Variants in HACD4 observed in about 807,000 individuals in gnomAD.
The protein encoded by HACD4 is very-long-chain (3R)-3-hydroxyacyl-CoA dehydratase 4.
A neutral mutation model predicts 33.3 loss-of-function variants in HACD4; 35 were observed. That is an observed-to-expected ratio of 1.05 (90% CI 0.80 to 1.39). HACD4 has a LOEUF of 1.39. Ranked by LOEUF, HACD4 falls within the 40% of genes most tolerant of loss-of-function variation. The pLI, the probability that HACD4 is intolerant of heterozygous loss-of-function variation, is 0.00. For missense variants in HACD4, 323 were observed against 276.5 expected, an observed-to-expected ratio of 1.17 and a Z score of -1.19; for synonymous variants, 118 against 98.0, an observed-to-expected ratio of 1.20 and a Z score of -1.21.
chr9:21,007,721 T>C (rs1191190401), intron 6 of HACD4, among the ~76,000 whole-genome samples: 2 of 152,142 alleles, frequency 1.3e-5, no homozygotes, highest in Non-Finnish European at 2.9e-5. Context: ...GACATCTAGG[T>C]TTTATTTGTA....
At chr9:21,028,252 T>G (rs571985789) in intron 2 of HACD4, among the ~76,000 whole-genome samples, 2 of 152,224 alleles carry the variant, frequency 1.3e-5, no homozygotes, top group South Asian at 4.1e-4. Flanking sequence ...AGCCAGTCCA[T>G]GGCTTGTGTT....
rs1460933036 is a variant in HACD4, at chr9:21,029,265, A to G, written c.142+30T>C. The G allele has an allele frequency of 3.9e-6, 5 of 1,287,198 alleles. No individual in the cohort carries two copies. In the East Asian group the frequency reaches 9.3e-5, roughly 24 times the overall value. 79.7% of individuals were successfully genotyped at this position (1,287,198 alleles called of 1,614,324 possible). ...GAGGTGAAAACAAGGATTAAAAGTTAAAAATAAAAAAACTGTTTCGGAGTT... is the reference window on the plus strand; with the variant it reads ...GAGGTGAAAACAAGGATTAAAAGTTGAAAATAAAAAAACTGTTTCGGAGTT... On this transcript the variant is annotated intron_variant, in intron 2 of 6. Coordinates refer to ENST00000495827, the MANE Select transcript of HACD4 (RefSeq NM_001010915.5).
Position 21,001,929 on chromosome 9 carries a change from A to C in HACD4, c.*5108T>G, listed in dbSNP as rs1842172309. ...TAAACAGCAACTCAAAGCCACATGAAGAAATAAGGATCTCAGTAAAGAAAA... is the reference window on the plus strand; with the variant it reads ...TAAACAGCAACTCAAAGCCACATGACGAAATAAGGATCTCAGTAAAGAAAA... On this transcript the variant is annotated 3_prime_UTR_variant, in exon 7 of 7. Coordinates refer to ENST00000495827, the MANE Select transcript of HACD4 (RefSeq NM_001010915.5). The C allele has an allele frequency of 6.6e-6, 1 of 152,164 alleles. No individual in the cohort carries two copies. Among genetic ancestry groups the C allele is most frequent in the African/African-American group, 2.4e-5 (1 of 41,454 alleles). 9.4% of individuals were successfully genotyped at this position (152,164 alleles called of 1,614,324 possible).
At chr9:21,022,679 C>T (rs1453886014) in intron 3 of HACD4, among the ~76,000 whole-genome samples, 3 of 149,836 alleles carry the variant, frequency 2.0e-5, no homozygotes, top group Admixed American at 1.3e-4. Flanking sequence ...TACCATCTCA[C>T]ACCAGTTAGA....
chr9:21,029,071 T>C (rs1818137333), intron 2 of HACD4, among the ~76,000 whole-genome samples: 1 of 152,224 alleles, frequency 6.6e-6, no homozygotes, highest in South Asian at 2.1e-4. Context: ...CCATCTCTTT[T>C]TTGAGGCAAA....
Position 21,011,632 on chromosome 9 carries a change from TTGAC to T in HACD4, c.443_446del (p.Ser148LysfsTer48), listed in dbSNP as rs777206425. ...AAGGATAAATTGGCATCCATAGTGT[TTGAC>T]TGAGCCATGTCAAGACAGCATAGGA... On this transcript the variant is annotated frameshift_variant, in exon 5 of 7. Transcript: ENST00000495827. LOFTEE classifies it high-confidence loss of function. 17 of 1,612,088 alleles carry T rather than the reference TTGAC, an allele frequency of 1.1e-5. No individual in the cohort carries two copies. Among genetic ancestry groups the T allele is most frequent in the Middle Eastern group, 1.6e-4 (1 of 6,074 alleles).
chr9:21,031,384 G>A (rs945722061), intron 1 of HACD4, 169 bp downstream of exon 1: 42 of 872,310 alleles, frequency 4.8e-5, no homozygotes, highest in Admixed American at 6.2e-5. Flanking sequence ...GTCAAGAGGG[G>A]TAAGTTAGCA....
intron 2 of HACD4, among the ~76,000 whole-genome samples, chr9:21,028,135 C>CAAAAAAAAAAAAA (rs71334571): frequency 1.1e-5 from 1 of 93,368 alleles, no homozygotes; most frequent in Non-Finnish European, 2.1e-5. Flanking sequence ...AACTCCATCT[C>CAAAAAAAAAAAAA]AAAAAAAAAA....
chr9:21,011,378 G>A (rs898650234), intron 5 of HACD4, among the ~76,000 whole-genome samples: 13 of 152,162 alleles, frequency 8.5e-5, no homozygotes, highest in Non-Finnish European at 1.5e-4. Context: ...CTCAGATGCC[G>A]TTGCTTTTTG....
At chr9:21,011,805 G>A (rs1430482261) in intron 4 of HACD4, 110 bp from the exon 5 acceptor site, 2 of 598,816 alleles carry the variant, frequency 3.3e-6, no homozygotes, top group East Asian at 6.0e-5. Flanking sequence ...TGTACAAATT[G>A]TATATTTTAT....
intron 3 of HACD4, among the ~76,000 whole-genome samples, chr9:21,026,314 CA>C (rs1278447854): frequency 6.6e-6 from 1 of 152,188 alleles, no homozygotes; most frequent in Non-Finnish European, 1.5e-5. Flanking sequence ...CTAACCCAGG[CA>C]GTGACACAGT....
rs1048285590 is a variant in HACD4 at position 21,004,623 on chromosome 9, T to C, written c.*2414A>G. On this transcript the variant is annotated 3_prime_UTR_variant, in exon 7 of 7. Coordinates refer to ENST00000495827, the MANE Select transcript of HACD4 (RefSeq NM_001010915.5). The surrounding 1 kb of genome is among the most constrained non-coding windows in gnomAD (Gnocchi z 4.6). ...CCTTGGAACCTCATCAGGAACTTAA[T>C]TGTCTAGCACCTTTATCTTGGACTT... The C allele has an allele frequency of 1.3e-5, 2 of 152,502 alleles. No homozygotes were observed. The highest frequency in any genetic ancestry group is 4.8e-5 in the African/African-American group (2 of 41,454). The allele number at this position is 152,502 out of a possible 1,614,324, so 9.4% of individuals were successfully genotyped here. A position where few individuals can be genotyped will look rare whatever the true frequency, so the allele number is the denominator to read the frequency against.
rs1240067408 is a variant in HACD4, at chr9:21,031,535, T to G, written c.38+18A>C. 7.5e-6 allele frequency: 11 copies of G among 1,463,636 alleles called. No homozygotes were observed. Among genetic ancestry groups the G allele is most frequent in the Non-Finnish European group, 9.9e-6 (11 of 1,114,758 alleles). 90.7% of individuals were successfully genotyped at this position (1,463,636 alleles called of 1,614,324 possible). A position where few individuals can be genotyped will look rare whatever the true frequency, so the allele number is the denominator to read the frequency against. The stretch of plus-strand genomic sequence containing the variant: ...CCACCCGCGCCCCCTCCCCTCGGGA[T>G]TCGGCCGAGCGCCCTACCTGGGCTG... On this transcript the variant is annotated intron_variant, in intron 1 of 6. Coordinates refer to ENST00000495827, the MANE Select transcript of HACD4 (RefSeq NM_001010915.5).
intron 3 of HACD4, among the ~76,000 whole-genome samples, chr9:21,021,238 A>C (rs1447685102): frequency 6.6e-6 from 1 of 152,208 alleles, no homozygotes; most frequent in Non-Finnish European, 1.5e-5. Flanking sequence ...TCAAAATAAT[A>C]AGAGCTATTT....
At position 21,006,226 on chromosome 9, in the gene HACD4, T is replaced by C. The variant is rs1274494357; in HGVS notation, c.*811A>G. 6.6e-6 allele frequency: 1 copy of C among 152,026 alleles called. No homozygotes were observed. Among genetic ancestry groups the C allele is most frequent in the Non-Finnish European group, 1.5e-5 (1 of 68,020 alleles). The allele number at this position is 152,026 out of a possible 1,614,324, so 9.4% of individuals were successfully genotyped here. ...ATGATGGTATTTGGAGGTGGGGCCA[T>C]TGGGAGGTAATTAGATCATGAGGGT... On this transcript the variant is annotated 3_prime_UTR_variant, in exon 7 of 7. Coordinates refer to ENST00000495827, the MANE Select transcript of HACD4 (RefSeq NM_001010915.5). The surrounding 1 kb of genome is among the most constrained non-coding windows in gnomAD (Gnocchi z 4.6).
intron 1 of HACD4, among the ~76,000 whole-genome samples, chr9:21,029,820 T>G (rs1439324884): frequency 6.6e-6 from 1 of 152,212 alleles, no homozygotes; most frequent in Admixed American, 6.5e-5. Flanking sequence ...ACCGGTTGTT[T>G]ACCTTCCTGA....
At chr9:21,028,602 A>T (rs1020022285) in intron 2 of HACD4, among the ~76,000 whole-genome samples, 1 of 152,224 alleles carries the variant, frequency 6.6e-6, no homozygotes, top group African/African-American at 2.4e-5. Context: ...TTTTTAGCTG[A>T]AGCCAGCAGT....
intron 1 of HACD4, 197 bp downstream of exon 1, chr9:21,031,356 A>G: frequency 6.4e-6 from 4 of 621,130 alleles, no homozygotes; most frequent in Non-Finnish European, 8.1e-6. Flanking sequence ...AAAATAACAG[A>G]GCCTGCTTCC....
intron 5 of HACD4, among the ~76,000 whole-genome samples, chr9:21,010,730 T>C (rs775635484): frequency 2.2e-4 from 34 of 152,256 alleles, no homozygotes; most frequent in Non-Finnish European, 4.3e-4. Context: ...CTCACCATAA[T>C]GCAGAATCAG....
Sources: allele counts gnomAD v4.1 joint callset (sites outside exome capture counted in the v4.1 genomes callset), GRCh38; gene constraint gnomAD v4.1.1; non-coding constraint Gnocchi (gnomAD v3.1); transcripts MANE v1.5; gene names NCBI Gene and HGNC (gene_info 2026-07-23, HGNC 2026-07-21).